The following MRTFA variants were observed in gnomAD, a reference collection of about 807,000 sequenced individuals.
MRTFA encodes the protein myocardin-related transcription factor A.
In MRTFA, 20 loss-of-function variants were observed where a neutral mutation model predicts 83.5. That is an observed-to-expected ratio of 0.24 (90% CI 0.17 to 0.35). The LOEUF is 0.35. Among genes scored for constraint, MRTFA ranks in the 10% least tolerant of loss-of-function variants. The pLI, the probability that MRTFA is intolerant of heterozygous loss-of-function variation, is 1.00. For synonymous variants in MRTFA, 659 were observed against 541.2 expected, an observed-to-expected ratio of 1.22 and a Z score of -3.02; for missense variants, 1,200 against 1,224.7, an observed-to-expected ratio of 0.98 and a Z score of 0.30.
intron 1 of MRTFA, among the ~76,000 whole-genome samples, chr22:40,606,109 A>C (rs2056316316): frequency 6.6e-6 from 1 of 151,902 alleles, no homozygotes; most frequent in African/African-American, 2.4e-5. Flanking sequence ...CAATTCTAAT[A>C]CTCCTATCCA....
chr22:40,586,544 C>T (rs2056031106), intron 2 of MRTFA, among the ~76,000 whole-genome samples: 1 of 152,142 alleles, frequency 6.6e-6, no homozygotes, highest in African/African-American at 2.4e-5. Flanking sequence ...TGGCCTAATT[C>T]CCCTGGAATA....
At chr22:40,486,812 T>C (rs901223898) in intron 3 of MRTFA, among the ~76,000 whole-genome samples, 1 of 152,084 alleles carries the variant, frequency 6.6e-6, no homozygotes, top group African/African-American at 2.4e-5. Context: ...AAACCCCATC[T>C]CTACAAAAAA....
At chr22:40,582,692 ACAC>A in intron 2 of MRTFA, among the ~76,000 whole-genome samples, 1 of 149,230 alleles carries the variant, frequency 6.7e-6, no homozygotes, top group African/African-American at 2.5e-5. Flanking sequence ...ACACACACAC[ACAC>A]CCTTCTCTAC....
At chr22:40,455,375 G>A (rs573645679) in intron 4 of MRTFA, among the ~76,000 whole-genome samples, 43 of 152,092 alleles carry the variant, frequency 2.8e-4, no homozygotes, top group African/African-American at 8.9e-4. Flanking sequence ...GGCCGGGTGC[G>A]GTGGCTCACA....
At chr22:40,437,588 C>T (rs923960301) in intron 4 of MRTFA, among the ~76,000 whole-genome samples, 7 of 152,054 alleles carry the variant, frequency 4.6e-5, no homozygotes, top group South Asian at 4.2e-4. Flanking sequence ...GGTGAAACCC[C>T]GTCTCTACTA....
At chr22:40,629,076 G>A (rs543954622) in intron 1 of MRTFA, among the ~76,000 whole-genome samples, 22 of 151,844 alleles carry the variant, frequency 1.4e-4, no homozygotes, top group African/African-American at 5.3e-4. Flanking sequence ...GATTGCTGTG[G>A]CCAGGAATTT....
intron 3 of MRTFA, among the ~76,000 whole-genome samples, chr22:40,496,226 C>T (rs1438103719): frequency 2.0e-5 from 3 of 152,106 alleles, no homozygotes; most frequent in Non-Finnish European, 4.4e-5. Flanking sequence ...ATGAAAGTAA[C>T]AGTTTCACCT....
At chr22:40,419,993 G>C (rs1238725328) in intron 11 of MRTFA, among the ~76,000 whole-genome samples, 1 of 152,172 alleles carries the variant, frequency 6.6e-6, no homozygotes, top group Non-Finnish European at 1.5e-5. Context: ...CTACTGGACA[G>C]TCCTGTCTAC....
chr22:40,569,337 T>C (rs1473517217), intron 2 of MRTFA: 6 of 216,756 alleles, frequency 2.8e-5, no homozygotes, highest in Admixed American at 2.2e-4. Context: ...ACTGCCCCTT[T>C]TGACAGGCGC....
intron 1 of MRTFA, among the ~76,000 whole-genome samples, chr22:40,635,238 C>T (rs1314431773): frequency 2.0e-5 from 3 of 152,168 alleles, no homozygotes; most frequent in Non-Finnish European, 4.4e-5. Context: ...TACCACCTCA[C>T]CCCCGGGAGA....
rs115698051 is a variant in MRTFA, at chr22:40,535,701, A to T, written c.241+16405T>A. ...CTAGTAATGAGGGTTTTCAAATGAAACAAGTTTTCACAGTTCGGTATTTAC... is the reference window on the plus strand; with the variant it reads ...CTAGTAATGAGGGTTTTCAAATGAATCAAGTTTTCACAGTTCGGTATTTAC... On this transcript the variant is annotated intron_variant, in intron 3 of 14. Coordinates refer to ENST00000355630, the MANE Select transcript of MRTFA (RefSeq NM_020831.6). Among the ~76,000 whole-genome samples the T allele has an allele frequency of 7.2e-3, 1,093 of 152,242 alleles. 14 individuals carry two copies. Among genetic ancestry groups the T allele is most frequent in the African/African-American group, 0.025 (1,051 of 41,550 alleles).
intron 3 of MRTFA, among the ~76,000 whole-genome samples, chr22:40,502,545 C>T (rs547763464): frequency 2.8e-5 from 4 of 144,234 alleles, no homozygotes; most frequent in South Asian, 2.3e-4. Context: ...GGCGGCCGGG[C>T]GGAGACGCTC....
intron 3 of MRTFA, among the ~76,000 whole-genome samples, chr22:40,466,216 A>G (rs1387894024): frequency 6.6e-6 from 1 of 152,258 alleles, no homozygotes; most frequent in Non-Finnish European, 1.5e-5. Context: ...ACCATAGATC[A>G]GCAACAATAA....
intron 1 of MRTFA, among the ~76,000 whole-genome samples, chr22:40,624,554 T>C (rs1408152499): frequency 4.0e-5 from 6 of 151,872 alleles, no homozygotes; most frequent in Non-Finnish European, 2.9e-5. Flanking sequence ...CTCTAAACAG[T>C]AGGGAAACCA....
chr22:40,516,422 G>GAAAAAAAAA (rs56745896), intron 3 of MRTFA, among the ~76,000 whole-genome samples: 1 of 47,012 alleles, frequency 2.1e-5, no homozygotes, highest in Non-Finnish European at 4.3e-5. Context: ...ACTGCCTCAA[G>GAAAAAAAAA]AAAAAAAAAA....
At chr22:40,504,348 C>T (rs1489762588) in intron 3 of MRTFA, among the ~76,000 whole-genome samples, 4 of 152,122 alleles carry the variant, frequency 2.6e-5, no homozygotes, top group African/African-American at 4.8e-5. Context: ...CACTATACTC[C>T]AGCCTGAGGA....
intron 1 of MRTFA, among the ~76,000 whole-genome samples, chr22:40,605,745 T>C (rs1337235269): frequency 6.6e-6 from 1 of 152,206 alleles, no homozygotes; most frequent in African/African-American, 2.4e-5. Flanking sequence ...CTAAAATCTT[T>C]TAAATTGCCT....
chr22:40,500,648 G>A (rs2147221419), intron 3 of MRTFA, among the ~76,000 whole-genome samples: 1 of 151,560 alleles, frequency 6.6e-6, no homozygotes, highest in South Asian at 2.1e-4. Context: ...ATCTTGCACC[G>A]CCCTTAATCC....
chr22:40,443,276 A>G (rs144932187), intron 4 of MRTFA, among the ~76,000 whole-genome samples: 1 of 152,042 alleles, frequency 6.6e-6, no homozygotes, highest in Non-Finnish European at 1.5e-5. Context: ...AAAAACAAAC[A>G]AAAAAAACTT....
Sources: gnomAD v4.1 joint callset for allele counts (sites outside exome capture counted in the v4.1 genomes callset) on GRCh38, gnomAD v4.1.1 for gene constraint, MANE v1.5 for transcripts, NCBI Gene and HGNC (gene_info 2026-07-23, HGNC 2026-07-21) for gene names.